KIAA0513: variants seen among roughly 807,000 people sequenced by gnomAD.
KIAA0513 encodes uncharacterized protein KIAA0513.
KIAA0513 carries 39 observed loss-of-function variants against 56.5 expected under a neutral mutation model. The ratio of observed to expected loss-of-function variants is 0.69; its 90% CI spans 0.53 to 0.90. The LOEUF (loss-of-function observed/expected upper bound fraction) is 0.90, where lower values mean the gene tolerates loss of function less well. Among genes scored for constraint, KIAA0513 ranks in the 40% least tolerant of loss-of-function variants. The probability of loss-of-function intolerance (pLI) is 0.00; values close to 1 mark genes in which losing one functional copy is unlikely to be tolerated. For missense variants in KIAA0513, 591 were observed against 535.2 expected, an observed-to-expected ratio of 1.10 and a Z score of -1.03; for synonymous variants, 268 against 215.6, an observed-to-expected ratio of 1.24 and a Z score of -2.13.
At chr16:85,073,451 C>A (rs1363689351) in intron 4 of KIAA0513, among the ~76,000 whole-genome samples, 2 of 152,206 alleles carry the variant, frequency 1.3e-5, no homozygotes, top group Non-Finnish European at 2.9e-5. Flanking sequence ...GGCCTTTTAT[C>A]ACAGGAAGCC....
intron 7 of KIAA0513, 26 bp from the exon 8 acceptor site, chr16:85,078,899 T>A (rs1368470895): frequency 6.2e-7 from 1 of 1,613,730 alleles, no homozygotes; most frequent in Non-Finnish European, 8.5e-7. Context: ...CAGAGCTGCT[T>A]TCAGCCATTC....
At chr16:85,063,704 A>G (rs1308481188) in intron 1 of KIAA0513, 1 of 152,182 alleles carries the variant, frequency 6.6e-6, no homozygotes, top group African/African-American at 2.4e-5. Flanking sequence ...AGGATAATGA[A>G]CAAAATGAAA....
intron 1 of KIAA0513, among the ~76,000 whole-genome samples, chr16:85,064,871 G>C (rs2073456146): frequency 6.6e-6 from 1 of 152,126 alleles, no homozygotes; most frequent in African/African-American, 2.4e-5. Flanking sequence ...TTGTAGTAGA[G>C]ATGGGGTTTC....
At chr16:85,058,306 T>A (rs753109489) in intron 1 of KIAA0513, among the ~76,000 whole-genome samples, 3 of 152,192 alleles carry the variant, frequency 2.0e-5, no homozygotes, top group Non-Finnish European at 4.4e-5. Flanking sequence ...GACAAATACC[T>A]GTACCAAATT....
chr16:85,029,816 G>C (rs929475585), intron 1 of KIAA0513, among the ~76,000 whole-genome samples: 2 of 152,170 alleles, frequency 1.3e-5, no homozygotes, highest in African/African-American at 2.4e-5. Context: ...ACTTCCCAAG[G>C]GTTTTCCCAT....
At chr16:85,082,727 G>C in intron 10 of KIAA0513, 134 bp downstream of exon 10, 1 of 869,810 alleles carries the variant, frequency 1.1e-6, no homozygotes, top group Non-Finnish European at 1.8e-6. Context: ...CCTGGTGGCC[G>C]GCGGGGAGGG....
chr16:85,044,226 C>G (rs1056451346), intron 1 of KIAA0513, among the ~76,000 whole-genome samples: 5 of 152,158 alleles, frequency 3.3e-5, no homozygotes, highest in African/African-American at 1.2e-4. Context: ...GACATTGGGT[C>G]AGTCGTATTG....
intron 8 of KIAA0513, chr16:85,079,768 A>AG (rs1312298527): frequency 1.3e-5 from 2 of 152,232 alleles, no homozygotes; most frequent in Non-Finnish European, 2.9e-5. Context: ...TATGTTTTAG[A>AG]GGGTGAATTT....
rs1235239486 is a variant in KIAA0513 at position 85,086,692 on chromosome 16, G to C, written c.1059G>C (p.Arg353=). The change falls in exon 11 of 13, where the codon CGG becomes CGC. Residue 353 remains arginine (R), a synonymous_variant. Coordinates refer to ENST00000683363, the MANE Select transcript of KIAA0513 (RefSeq NM_001388359.1). ...MTQEERDDSL[R]FNENITFGQL... is the part of the protein sequence containing the mutation. ...AGGAGGAGCGCGACGACAGCCTCCG[G>C]TTCAACGAGAACATCACCTTCGGGC... The C allele has an allele frequency of 1.9e-6, 3 of 1,613,830 alleles. No individual in the cohort carries two copies. The highest frequency in any genetic ancestry group is 2.5e-6 in the Non-Finnish European group (3 of 1,180,026).
chr16:85,081,232 C>T lies in KIAA0513; in HGVS notation c.903-83C>T. On this transcript the variant is annotated intron_variant, in intron 8 of 12. Coordinates refer to ENST00000683363, the MANE Select transcript of KIAA0513 (RefSeq NM_001388359.1). This position sits in a 1 kb window ranked among gnomAD's most constrained non-coding sequence, Gnocchi z 4.4. Reference sequence around the variant, plus strand: ...GCTCAGACAGATGTGAGACACTGCCCTTGTTTATCCCTCAAGGGGCCCACA... The same window carrying T: ...GCTCAGACAGATGTGAGACACTGCCTTTGTTTATCCCTCAAGGGGCCCACA... 1 of 1,244,482 alleles carries T rather than the reference C, an allele frequency of 8.0e-7. No individual in the cohort carries two copies. The highest frequency in any genetic ancestry group is 1.2e-6 in the Non-Finnish European group (1 of 846,600). The allele number at this position is 1,244,482 out of a possible 1,614,324, so 77.1% of individuals were successfully genotyped here.
chr16:85,042,036 G>A (rs1437388953), intron 1 of KIAA0513, among the ~76,000 whole-genome samples: 1 of 152,174 alleles, frequency 6.6e-6, no homozygotes, highest in Non-Finnish European at 1.5e-5. Flanking sequence ...ACATCCTGGG[G>A]TTTTATTTGA....
intron 2 of KIAA0513, among the ~76,000 whole-genome samples, chr16:85,071,312 C>T (rs1030144518): frequency 2.0e-5 from 3 of 152,220 alleles, no homozygotes; most frequent in Non-Finnish European, 2.9e-5. Flanking sequence ...TCTTCTTGGC[C>T]TCAGACCTTG....
chr16:85,053,932 C>T (rs1021014188), intron 1 of KIAA0513, among the ~76,000 whole-genome samples: 1 of 149,118 alleles, frequency 6.7e-6, no homozygotes, highest in East Asian at 2.0e-4. Flanking sequence ...GCAGAGTTTG[C>T]AGCGAACTGA....
chr16:85,070,088 T>C (rs1431926900), intron 2 of KIAA0513, among the ~76,000 whole-genome samples: 1 of 151,710 alleles, frequency 6.6e-6, no homozygotes, highest in Admixed American at 6.6e-5. Context: ...GGGGGATCAA[T>C]TGAGCCAGGG....
In KIAA0513 at chr16:85,093,890, C is replaced by A. The variant is rs1289701913; in HGVS notation, c.*5565C>A. The A allele has an allele frequency of 6.6e-6, 1 of 152,294 alleles. No homozygotes were observed. Among genetic ancestry groups the A allele is most frequent in the Non-Finnish European group, 1.5e-5 (1 of 68,064 alleles). The allele number at this position is 152,294 out of a possible 1,614,324, so 9.4% of individuals were successfully genotyped here. ...CGGTTGACCTGCCGCCTTCTTGAAC[C>A]TGGTGGCCCCCGTTGGAACTATCAG... On this transcript the variant is annotated 3_prime_UTR_variant, in exon 13 of 13. Coordinates refer to ENST00000683363, the MANE Select transcript of KIAA0513 (RefSeq NM_001388359.1).
chr16:85,073,149 C>A, intron 4 of KIAA0513, 151 bp downstream of exon 4: 1 of 715,924 alleles, frequency 1.4e-6, no homozygotes. Context: ...CAGCATTCAG[C>A]TAAAAGGCAC....
At chr16:85,053,704 T>A (rs55877407) in intron 1 of KIAA0513, among the ~76,000 whole-genome samples, 10,949 of 151,866 alleles carry the variant, frequency 0.072, 444 homozygotes, top group Middle Eastern at 0.099. Flanking sequence ...TACAAAAAAA[T>A]TTTTAAGGCC....
At chr16:85,058,831 C>T (rs934031671) in intron 1 of KIAA0513, among the ~76,000 whole-genome samples, 5 of 152,186 alleles carry the variant, frequency 3.3e-5, no homozygotes, top group African/African-American at 1.2e-4. Context: ...TCAGTATCTG[C>T]AGAAAGCTAC....
intron 4 of KIAA0513, 90 bp from the exon 5 acceptor site, chr16:85,075,754 A>C: frequency 1.9e-6 from 2 of 1,068,300 alleles, no homozygotes; most frequent in South Asian, 1.3e-5. Context: ...ATTGGGACGC[A>C]TGTGTCAAGT....
Sources: allele counts gnomAD v4.1 joint callset (sites outside exome capture counted in the v4.1 genomes callset), GRCh38; gene constraint gnomAD v4.1.1; non-coding constraint Gnocchi (gnomAD v3.1); transcripts MANE v1.5; gene names NCBI Gene and HGNC (gene_info 2026-07-23, HGNC 2026-07-21).